Variants in NCKAP5 observed in about 807,000 individuals in gnomAD.
NCKAP5 encodes the protein NCK associated protein 5.
Under a neutral mutation model 167.0 loss-of-function variants are expected in NCKAP5, and 92 were observed. That is an observed-to-expected ratio of 0.55 (90% CI 0.47 to 0.66). NCKAP5 has a LOEUF of 0.66. NCKAP5 is among the 30% of genes least tolerant of loss of function. The probability of loss-of-function intolerance (pLI) is 0.00; values close to 1 mark genes in which losing one functional copy is unlikely to be tolerated. For missense variants in NCKAP5, 2,378 were observed against 2,315.0 expected, an observed-to-expected ratio of 1.03 and a Z score of -0.56; for synonymous variants, 891 against 877.4, an observed-to-expected ratio of 1.02 and a Z score of -0.27.
chr2:133,458,984 T>C (rs1219760630), intron 3 of NCKAP5, among the ~76,000 whole-genome samples: 1 of 152,176 alleles, frequency 6.6e-6, no homozygotes, highest in Non-Finnish European at 1.5e-5. Context: ...ACTACCTGCC[T>C]TGTGAAATCT....
At chr2:133,498,472 A>C (rs145736335) in intron 3 of NCKAP5, among the ~76,000 whole-genome samples, 5 of 122,712 alleles carry the variant, frequency 4.1e-5, no homozygotes, top group South Asian at 2.8e-4. Flanking sequence ...GGAAGGAAGG[A>C]AGGAAGGAAG....
At chr2:133,300,527 C>A (rs1281989470) in intron 4 of NCKAP5, among the ~76,000 whole-genome samples, 2 of 129,756 alleles carry the variant, frequency 1.5e-5, no homozygotes, top group Admixed American at 1.5e-4. Context: ...AAGACAAAAA[C>A]CACATGATTA....
chr2:133,401,976 G>A (rs1188283938), intron 3 of NCKAP5, among the ~76,000 whole-genome samples: 1 of 152,132 alleles, frequency 6.6e-6, no homozygotes, highest in African/African-American at 2.4e-5. Context: ...GATCTCTCGA[G>A]ATTCAGCTCA....
chr2:133,169,726 C>G (rs184661031), intron 5 of NCKAP5, among the ~76,000 whole-genome samples: 1 of 152,188 alleles, frequency 6.6e-6, no homozygotes, highest in African/African-American at 2.4e-5. Flanking sequence ...AAGAGTGCTA[C>G]GCAGAGCAGT....
At chr2:132,926,238 G>T in intron 8 of NCKAP5, 1 of 351,426 alleles carries the variant, frequency 2.8e-6, no homozygotes, top group Non-Finnish European at 5.9e-6. Flanking sequence ...CCTTTTAATA[G>T]CCACTAGTAT....
chr2:133,585,307 C>T, the NCKAP5 span, among the ~76,000 whole-genome samples: 1 of 152,200 alleles, frequency 6.6e-6, no homozygotes. Context: ...CTGGAAAAAA[C>T]TATTATCTCC....
the NCKAP5 span, among the ~76,000 whole-genome samples, chr2:133,583,757 T>C: frequency 6.6e-6 from 1 of 152,192 alleles, no homozygotes; most frequent in East Asian, 1.9e-4. Flanking sequence ...ATAAACCTTT[T>C]TTTTTTCTTG....
chr2:132,954,191 A>T (rs890799061), intron 8 of NCKAP5, among the ~76,000 whole-genome samples: 8 of 152,210 alleles, frequency 5.3e-5, no homozygotes, highest in African/African-American at 1.9e-4. Context: ...ACCTTGAAGG[A>T]ATACTAAGAT....
intron 3 of NCKAP5, among the ~76,000 whole-genome samples, chr2:133,502,425 G>A (rs1682605645): frequency 1.3e-5 from 2 of 152,130 alleles, no homozygotes; most frequent in Admixed American, 6.5e-5. Flanking sequence ...AGTGTGTGTG[G>A]TGGTGGTGTT....
intron 3 of NCKAP5, among the ~76,000 whole-genome samples, chr2:133,401,505 C>G (rs1688096143): frequency 6.6e-6 from 1 of 152,094 alleles, no homozygotes; most frequent in Admixed American, 6.6e-5. Flanking sequence ...GAGTTTGATG[C>G]TAACTCAAGG....
chr2:133,399,993 A>C (rs1687996349), intron 3 of NCKAP5, among the ~76,000 whole-genome samples: 1 of 152,128 alleles, frequency 6.6e-6, no homozygotes, highest in Admixed American at 6.6e-5. Flanking sequence ...GCAAAAAGAT[A>C]TTTTTGGCAA....
At chr2:133,001,904 G>T (rs1369630800) in intron 6 of NCKAP5, among the ~76,000 whole-genome samples, 1 of 152,176 alleles carries the variant, frequency 6.6e-6, no homozygotes, top group Non-Finnish European at 1.5e-5. Flanking sequence ...AATTTGCCAT[G>T]CACTGAGTAC....
At chr2:132,797,713 A>G (rs1341394339) in intron 11 of NCKAP5, among the ~76,000 whole-genome samples, 1 of 152,174 alleles carries the variant, frequency 6.6e-6, no homozygotes, top group Non-Finnish European at 1.5e-5. Flanking sequence ...CTTCTTTGCC[A>G]CTGAGCAATG....
intron 6 of NCKAP5, among the ~76,000 whole-genome samples, chr2:133,105,232 A>G (rs529665939): frequency 6.6e-6 from 1 of 152,358 alleles, no homozygotes; most frequent in Admixed American, 6.5e-5. Context: ...ATGTATCCTC[A>G]TAGGAGTTAT....
chr2:133,024,360 A>C (rs1164731068), intron 6 of NCKAP5, among the ~76,000 whole-genome samples: 2 of 152,250 alleles, frequency 1.3e-5, no homozygotes, highest in Non-Finnish European at 2.9e-5. Context: ...AAATGAGAAT[A>C]ATTCAAAGAA....
intron 5 of NCKAP5, among the ~76,000 whole-genome samples, chr2:133,198,372 G>GA (rs1414132954): frequency 6.6e-6 from 1 of 151,656 alleles, no homozygotes; most frequent in Non-Finnish European, 1.5e-5. Flanking sequence ...GGAAACCAAA[G>GA]AAAAAAATAA....
chr2:132,850,058 T>C (rs1688958489), intron 11 of NCKAP5, among the ~76,000 whole-genome samples: 1 of 152,204 alleles, frequency 6.6e-6, no homozygotes, highest in African/African-American at 2.4e-5. Flanking sequence ...GGGTAGATTA[T>C]ATGATCTTGA....
At chr2:132,997,475 C>T (rs2077638190) in intron 6 of NCKAP5, among the ~76,000 whole-genome samples, 2 of 152,138 alleles carry the variant, frequency 1.3e-5, no homozygotes, top group African/African-American at 4.8e-5. Flanking sequence ...AGAACTGTCT[C>T]ATCTGTTCAT....
the NCKAP5 span, among the ~76,000 whole-genome samples, chr2:133,623,551 G>T: frequency 2.0e-5 from 3 of 151,574 alleles, no homozygotes; most frequent in Non-Finnish European, 2.9e-5. Flanking sequence ...ATGGAAAAAT[G>T]TTCAACACCA....
Sources: allele counts gnomAD v4.1 joint callset (sites outside exome capture counted in the v4.1 genomes callset), GRCh38; gene constraint gnomAD v4.1.1; transcripts MANE v1.5; gene names NCBI Gene and HGNC (gene_info 2026-07-23, HGNC 2026-07-21).